Variants in TMPRSS9 observed in about 807,000 individuals in gnomAD.
TMPRSS9 encodes transmembrane protease serine 9.
TMPRSS9 carries 113 observed loss-of-function variants against 111.4 expected under a neutral mutation model. That is an observed-to-expected ratio of 1.01 (90% CI 0.87 to 1.19). The LOEUF (loss-of-function observed/expected upper bound fraction) is 1.19, where lower values mean the gene tolerates loss of function less well. TMPRSS9 is among the 50% of genes most tolerant of loss of function. The pLI, the probability that TMPRSS9 is intolerant of heterozygous loss-of-function variation, is 0.00. For missense variants in TMPRSS9, 1,803 were observed against 1,513.1 expected (o/e 1.19, Z -3.18); for synonymous variants, 805 against 659.1 (o/e 1.22, Z -3.39).
At position 2,420,013 on chromosome 19, in the gene TMPRSS9, A is replaced by G. The variant is rs974122332; in HGVS notation, c.2155-1841A>G. The stretch of plus-strand genomic sequence containing the variant: ...GTCTCTACAAAAATTTAAAAAAAAA[A>G]TTTGTCAGGCAGAGTGGCAGGTGCC... On this transcript the variant is annotated intron_variant, in intron 13 of 17. Coordinates refer to ENST00000648592, the Ensembl canonical transcript of TMPRSS9. Among the ~76,000 whole-genome samples, 8 of 152,204 alleles carry G rather than the reference A, an allele frequency of 5.3e-5. 1 individual carries two copies. The highest frequency in any genetic ancestry group is 1.9e-4 in the African/African-American group (8 of 41,522).
intron 1 of TMPRSS9, among the ~76,000 whole-genome samples, chr19:2,390,389 G>T (rs968167392): frequency 6.7e-6 from 1 of 150,162 alleles, no homozygotes; most frequent in African/African-American, 2.4e-5. Context: ...GACTACAGGC[G>T]CCCGCCACCA....
intron 1 of TMPRSS9, among the ~76,000 whole-genome samples, chr19:2,384,589 G>C (rs1296429852): frequency 1.3e-5 from 2 of 152,024 alleles, no homozygotes; most frequent in Non-Finnish European, 2.9e-5. Flanking sequence ...GCCAAGGCGG[G>C]AGGATCACGA....
rs1971234421 is a variant in TMPRSS9 at position 2,416,518 on chromosome 19, T to C, written c.1746-20T>C. The C allele has an allele frequency of 1.3e-6, 2 of 1,593,970 alleles. No homozygotes were observed. The highest frequency in any genetic ancestry group is 2.7e-5 in the African/African-American group (2 of 74,810). ...GCATGTGCTGGAGGGCAGGCATGTC[T>C]GAGGGCCCTGTCTCCATAGCACGAA... On this transcript the variant is annotated intron_variant, in intron 11 of 17. Coordinates refer to ENST00000648592, the Ensembl canonical transcript of TMPRSS9.
chr19:2,408,581 C>G (rs550870290), exon 8 of TMPRSS9: 3 of 1,613,540 alleles, frequency 1.9e-6, no homozygotes, highest in East Asian at 4.5e-5. Context: ...TCTTCCCACC[C>G]AGCAAGAAGT....
chr19:2,385,311 C>T (rs902043318), upstream of TMPRSS9, among the ~76,000 whole-genome samples: 3 of 152,156 alleles, frequency 2.0e-5, no homozygotes, highest in Admixed American at 6.6e-5. Flanking sequence ...TGTTACATCC[C>T]TCAGGGGCCG....
intron 13 of TMPRSS9, among the ~76,000 whole-genome samples, chr19:2,419,501 CT>C (rs1299384611): frequency 6.8e-6 from 1 of 146,198 alleles, no homozygotes; most frequent in African/African-American, 2.6e-5. Flanking sequence ...TGTACCCAGC[CT>C]AGATTTCTTT....
chr19:2,388,953 G>A (rs190881285), upstream of TMPRSS9, among the ~76,000 whole-genome samples: 1 of 151,886 alleles, frequency 6.6e-6, no homozygotes, highest in East Asian at 1.9e-4. Context: ...AAGCCCCCAA[G>A]CGTGGGGTCC....
chr19:2,405,779 C>T (rs1212463616), intron 7 of TMPRSS9, among the ~76,000 whole-genome samples: 18 of 149,908 alleles, frequency 1.2e-4, no homozygotes, highest in African/African-American at 4.2e-4. Context: ...GATCTTGGCT[C>T]ACTGCAAGCT....
chr19:2,417,407 A>C (rs1307396867), intron 12 of TMPRSS9, among the ~76,000 whole-genome samples: 1 of 151,586 alleles, frequency 6.6e-6, no homozygotes, highest in Non-Finnish European at 1.5e-5. Flanking sequence ...CAGAGGCTGC[A>C]GTGAGCTGAG....
chr19:2,425,015 A>G, exon 16 of TMPRSS9: 1 of 1,537,100 alleles, frequency 6.5e-7, no homozygotes, highest in Non-Finnish European at 8.7e-7. Context: ...CGGGGACCCC[A>G]AGCAGTGGGC....
chr19:2,410,219 C>T (rs200803250), intron 8 of TMPRSS9, 39 bp from the exon 10 acceptor site: 270 of 1,608,202 alleles, frequency 1.7e-4, no homozygotes, highest in South Asian at 9.1e-4. Flanking sequence ...GCCAGGGCTC[C>T]GGCACTCTCA....
At chr19:2,375,894 A>T (rs1481794397) in intron 1 of TMPRSS9, among the ~76,000 whole-genome samples, 1 of 152,170 alleles carries the variant, frequency 6.6e-6, no homozygotes, top group Non-Finnish European at 1.5e-5. Flanking sequence ...GGACTCCTGG[A>T]AGTCTCAGGA....
exon 11 of TMPRSS9, chr19:2,415,744 C>T: frequency 2.5e-6 from 4 of 1,610,250 alleles, no homozygotes; most frequent in Non-Finnish European, 3.4e-6. Flanking sequence ...CGGGGAGGTG[C>T]CCTGGCAGGT....
chr19:2,399,673 T>A (rs186277785), intron 4 of TMPRSS9, among the ~76,000 whole-genome samples: 1 of 151,732 alleles, frequency 6.6e-6, no homozygotes, highest in Non-Finnish European at 1.5e-5. Context: ...AGAGCCAGAG[T>A]GTTGTGTTGT....
exon 17 of TMPRSS9, chr19:2,425,418 C>T: frequency 1.3e-6 from 2 of 1,582,484 alleles, no homozygotes; most frequent in South Asian, 1.1e-5. Flanking sequence ...AGACCTGCCG[C>T]CGCTTCTACC....
intron 7 of TMPRSS9, among the ~76,000 whole-genome samples, chr19:2,408,155 G>A (rs543671780): frequency 6.6e-6 from 1 of 152,098 alleles, no homozygotes; most frequent in Non-Finnish European, 1.5e-5. Context: ...CTGGGCTCAG[G>A]TGATCCTCCC....
intron 13 of TMPRSS9, among the ~76,000 whole-genome samples, chr19:2,420,927 A>G (rs944647547): frequency 6.6e-6 from 1 of 152,146 alleles, no homozygotes; most frequent in African/African-American, 2.4e-5. Context: ...TGTTGAGGCC[A>G]GGCCAGGTGG....
intron 1 of TMPRSS9, among the ~76,000 whole-genome samples, chr19:2,368,722 G>A (rs538004806): frequency 5.4e-5 from 8 of 149,136 alleles, no homozygotes; most frequent in African/African-American, 2.0e-4. Context: ...GTCTGACAAC[G>A]TTTTTGGATG....
chr19:2,389,964 A>G (rs746146040), intron 1 of TMPRSS9, 37 bp downstream of exon 2: 6 of 1,587,346 alleles, frequency 3.8e-6, no homozygotes, highest in Non-Finnish European at 5.2e-6. Flanking sequence ...TCGCAATACA[A>G]GGGACATGTG....
Sources: gnomAD v4.1 joint callset for allele counts (sites outside exome capture counted in the v4.1 genomes callset) on GRCh38, gnomAD v4.1.1 for gene constraint, MANE v1.5 for transcripts, NCBI Gene and HGNC (gene_info 2026-07-23, HGNC 2026-07-21) for gene names.